The following DENND1A variants were observed in gnomAD, a reference collection of about 807,000 sequenced individuals.
DENND1A encodes the protein DENN domain containing 1A.
In DENND1A, 51 loss-of-function variants were observed where a neutral mutation model predicts 113.7. That is an observed-to-expected ratio of 0.45 (90% confidence interval 0.36 to 0.57). The LOEUF is 0.57. DENND1A is among the 20% of genes least tolerant of loss of function. The probability of loss-of-function intolerance (pLI) is 0.00; values close to 1 mark genes in which losing one functional copy is unlikely to be tolerated. For missense variants in DENND1A, 1,258 were observed against 1,395.9 expected (o/e 0.90, Z 1.57); for synonymous variants, 565 against 570.8 (o/e 0.99, Z 0.14).
intron 11 of DENND1A, among the ~76,000 whole-genome samples, chr9:123,599,654 T>G (rs2059859366): frequency 6.6e-6 from 1 of 152,110 alleles, no homozygotes. Flanking sequence ...AGAGCTGGGA[T>G]TCAAACTCAG....
intron 2 of DENND1A, among the ~76,000 whole-genome samples, chr9:123,825,643 C>G (rs183323168): frequency 6.6e-6 from 1 of 152,350 alleles, no homozygotes; most frequent in Non-Finnish European, 1.5e-5. Context: ...CAGACCTTAA[C>G]TTGGGAGAAA....
chr9:123,462,910 A>T (rs977520289), intron 13 of DENND1A, among the ~76,000 whole-genome samples: 5 of 152,334 alleles, frequency 3.3e-5, no homozygotes, highest in African/African-American at 1.2e-4. Flanking sequence ...ACCGCTGTCA[A>T]GGCTCTTTCT....
At chr9:123,505,645 C>G (rs2052860632) in intron 13 of DENND1A, among the ~76,000 whole-genome samples, 1 of 152,108 alleles carries the variant, frequency 6.6e-6, no homozygotes, top group African/African-American at 2.4e-5. Context: ...AGATGAGGAG[C>G]CATTTGGCTT....
At chr9:123,705,177 C>G (rs1392372595) in intron 5 of DENND1A, among the ~76,000 whole-genome samples, 2 of 151,734 alleles carry the variant, frequency 1.3e-5, no homozygotes, top group African/African-American at 2.4e-5. Context: ...ATTTGTGGCA[C>G]GTAAATAAAA....
At chr9:123,768,467 T>G (rs1221137666) in intron 4 of DENND1A, among the ~76,000 whole-genome samples, 3 of 152,202 alleles carry the variant, frequency 2.0e-5, no homozygotes, top group Non-Finnish European at 4.4e-5. Flanking sequence ...GGCTTTGCCT[T>G]GTTTGGGTAC....
intron 5 of DENND1A, among the ~76,000 whole-genome samples, chr9:123,684,516 C>A (rs1466064889): frequency 2.6e-5 from 4 of 152,190 alleles, no homozygotes; most frequent in African/African-American, 9.7e-5. Context: ...AGCATTCCCA[C>A]CTTTAAGCAC....
intron 1 of DENND1A, among the ~76,000 whole-genome samples, chr9:123,904,273 C>T (rs1324475501): frequency 1.3e-5 from 2 of 151,976 alleles, no homozygotes; most frequent in South Asian, 4.2e-4. Flanking sequence ...GGGGAAAAAA[C>T]AGAACAGAAA....
chr9:123,666,202 T>C (rs577155211), intron 8 of DENND1A, among the ~76,000 whole-genome samples: 4 of 152,338 alleles, frequency 2.6e-5, no homozygotes, highest in African/African-American at 9.6e-5. Flanking sequence ...GTAAATTTTA[T>C]GTTATGTATT....
chr9:123,670,923 C>T (rs1039101512), intron 7 of DENND1A, among the ~76,000 whole-genome samples: 4 of 152,110 alleles, frequency 2.6e-5, no homozygotes, highest in African/African-American at 9.7e-5. Flanking sequence ...TGGGCTTCAG[C>T]AAAGGGACAT....
intron 17 of DENND1A, among the ~76,000 whole-genome samples, chr9:123,451,171 G>C (rs1182575384): frequency 6.6e-6 from 1 of 152,180 alleles, no homozygotes; most frequent in Non-Finnish European, 1.5e-5. Flanking sequence ...GGCCGGAACA[G>C]ACACATTGCT....
chr9:123,865,443 A>G (rs1431048939), intron 2 of DENND1A, among the ~76,000 whole-genome samples: 3 of 151,854 alleles, frequency 2.0e-5, no homozygotes, highest in Admixed American at 2.0e-4. Flanking sequence ...CAGCATTCCC[A>G]AGGCCCTGGG....
In DENND1A at chr9:123,553,085, T is replaced by A. The variant is rs114371320; in HGVS notation, c.993+4485A>T. ...AGCTGGGCAACATAGCAAGACCTTA[T>A]CTCTACAAAAATTAAAAATAAATTA... On this transcript the variant is annotated intron_variant, in intron 13 of 23. Coordinates refer to ENST00000394215, the MANE Select transcript of DENND1A (RefSeq NM_001352964.2). Among the ~76,000 whole-genome samples the A allele has an allele frequency of 2.1e-3, 313 of 152,076 alleles. 1 individual carries two copies. The highest frequency in any genetic ancestry group is 7.3e-3 in the African/African-American group (301 of 41,472).
chr9:123,518,414 C>G (rs559543507), intron 13 of DENND1A, among the ~76,000 whole-genome samples: 1 of 151,978 alleles, frequency 6.6e-6, no homozygotes, highest in Non-Finnish European at 1.5e-5. Flanking sequence ...AAAATATCAC[C>G]CTCAAAAACA....
chr9:123,749,504 C>G (rs1009613990), intron 5 of DENND1A, among the ~76,000 whole-genome samples: 1 of 152,154 alleles, frequency 6.6e-6, no homozygotes, highest in Non-Finnish European at 1.5e-5. Flanking sequence ...CTGTATCTCT[C>G]TCAGTCTCAA....
rs118166070 is a variant in DENND1A, at chr9:123,429,746, G to A, written c.1488+10614C>T. Among the ~76,000 whole-genome samples, 449 of 152,214 alleles carry A rather than the reference G, an allele frequency of 2.9e-3. 3 individuals are homozygous for A. In the East Asian group the frequency reaches 0.039, roughly 13 times the overall value. On this transcript the variant is annotated intron_variant, in intron 19 of 23. Coordinates refer to ENST00000394215, the MANE Select transcript of DENND1A (RefSeq NM_001352964.2). ...ATAATGCAAAACTACAAAAATCCTA[G>A]AAGAAAATCTGGGCAATACCATTCA...
chr9:123,580,939 C>A (rs1028864862), intron 12 of DENND1A, among the ~76,000 whole-genome samples: 2 of 152,154 alleles, frequency 1.3e-5, no homozygotes, highest in Non-Finnish European at 2.9e-5. Flanking sequence ...TAATCACCTA[C>A]AGGATTTCAG....
At chr9:123,423,034 A>C (rs958053686) in intron 19 of DENND1A, among the ~76,000 whole-genome samples, 2 of 152,186 alleles carry the variant, frequency 1.3e-5, no homozygotes, top group Non-Finnish European at 2.9e-5. Context: ...TTTTCATTTA[A>C]AATACTGAAA....
intron 5 of DENND1A, among the ~76,000 whole-genome samples, chr9:123,686,375 C>A (rs982942994): frequency 2.6e-5 from 4 of 152,188 alleles, no homozygotes; most frequent in Admixed American, 6.5e-5. Context: ...TGATCACGTA[C>A]AATGATAAAT....
intron 9 of DENND1A, among the ~76,000 whole-genome samples, chr9:123,643,122 T>C (rs2062117079): frequency 6.6e-6 from 1 of 152,154 alleles, no homozygotes; most frequent in South Asian, 2.1e-4. Context: ...CCAGACTGTG[T>C]GCTGGTGGGG....
Sources: gnomAD v4.1 joint callset for allele counts (sites outside exome capture counted in the v4.1 genomes callset) on GRCh38, gnomAD v4.1.1 for gene constraint, MANE v1.5 for transcripts, NCBI Gene and HGNC (gene_info 2026-07-23, HGNC 2026-07-21) for gene names.